KCNQ1OT1: variants seen among roughly 807,000 people sequenced by gnomAD.
KCNQ1OT1 encodes KCNQ1 opposite strand/antisense transcript 1.
At chr11:2,633,016 T>G (rs974674076) in exon 1 of KCNQ1OT1, 1 of 398,412 alleles carries the variant, frequency 2.5e-6, no homozygotes, top group African/African-American at 2.1e-5. Context: ...AATGACTCAC[T>G]AATTTATAGT....
At chr11:2,639,241 G>C (rs1348436602) in exon 1 of KCNQ1OT1, 1 of 152,170 alleles carries the variant, frequency 6.6e-6, no homozygotes, top group Non-Finnish European at 1.5e-5. Context: ...GTCCAGCTTT[G>C]TTCCATTGCT....
Position 2,613,856 on chromosome 11 carries a change from G to A in KCNQ1OT1, n.86139C>T, listed in dbSNP as rs1301492049. The A allele has an allele frequency of 2.5e-5, 10 of 398,372 alleles. No homozygotes were observed. The highest frequency in any genetic ancestry group is 4.4e-5 in the Non-Finnish European group (10 of 226,038). 24.7% of individuals were successfully genotyped at this position (398,372 alleles called of 1,614,324 possible). The stretch of plus-strand genomic sequence containing the variant: ...CAGTGTTTTCTAGTTTATAGTTTGT[G>A]TGTGTTTGCTCTTTATAAGACATGA... On this transcript the variant is annotated non_coding_transcript_exon_variant, in exon 1 of 1. Coordinates refer to ENST00000597346, the Ensembl canonical transcript of KCNQ1OT1. This position sits in a 1 kb window ranked among gnomAD's most constrained non-coding sequence, Gnocchi z 4.8.
In KCNQ1OT1 at chr11:2,677,927, C is replaced by A. The variant is rs1297810091; in HGVS notation, n.22068G>T. On this transcript the variant is annotated non_coding_transcript_exon_variant, in exon 1 of 1. Transcript: ENST00000597346. The surrounding 1 kb of genome is among the most constrained non-coding windows in gnomAD (Gnocchi z 4.5). ...GTATACTCAGGTTTTTATCTTCATT[C>A]ATTTCATAGATGAGAAATGGTACAC... The A allele has an allele frequency of 5.0e-6, 2 of 398,406 alleles. No individual in the cohort carries two copies. The highest frequency in any genetic ancestry group is 8.8e-6 in the Non-Finnish European group (2 of 226,026). The allele number at this position is 398,406 out of a possible 1,614,324, so 24.7% of individuals were successfully genotyped here. A position where few individuals can be genotyped will look rare whatever the true frequency, so the allele number is the denominator to read the frequency against.
In KCNQ1OT1 at chr11:2,617,856, C is replaced by A; in HGVS notation, n.82139G>T. The A allele has an allele frequency of 2.5e-6, 1 of 398,468 alleles. No individual in the cohort carries two copies. The highest frequency in any genetic ancestry group is 1.3e-4 in the South Asian group (1 of 7,850). The allele number at this position is 398,468 out of a possible 1,614,324, so 24.7% of individuals were successfully genotyped here. ...TCTTTGCAAAAATGTCTACTCAGTTCCACTGCCCATTTTTTAATTGGGTTA... is the reference window on the plus strand; with the variant it reads ...TCTTTGCAAAAATGTCTACTCAGTTACACTGCCCATTTTTTAATTGGGTTA... On this transcript the variant is annotated non_coding_transcript_exon_variant, in exon 1 of 1. Coordinates refer to ENST00000597346, the Ensembl canonical transcript of KCNQ1OT1. The surrounding 1 kb of genome is among the most constrained non-coding windows in gnomAD (Gnocchi z 4.6).
chr11:2,691,941 T>A lies in KCNQ1OT1; in HGVS notation n.8054A>T. On this transcript the variant is annotated non_coding_transcript_exon_variant, in exon 1 of 1. Coordinates refer to ENST00000597346, the Ensembl canonical transcript of KCNQ1OT1. This position sits in a 1 kb window ranked among gnomAD's most constrained non-coding sequence, Gnocchi z 6.4. ...CCTTGGCAGGTTTTCCCTTCTGGCA[T>A]GGCCACTAAATGCCAGTGCCTTTCT... The A allele has an allele frequency of 2.5e-6, 1 of 398,698 alleles. No homozygotes were observed. The highest frequency in any genetic ancestry group is 4.4e-6 in the Non-Finnish European group (1 of 226,134). 24.7% of individuals were successfully genotyped at this position (398,698 alleles called of 1,614,324 possible).
chr11:2,637,075 T>C (rs1167569009), exon 1 of KCNQ1OT1: 1 of 152,210 alleles, frequency 6.6e-6, no homozygotes, highest in Non-Finnish European at 1.5e-5. Flanking sequence ...TTCTTCTCTC[T>C]TCTTTATTAG....
chr11:2,648,981 C>CTTTTTTTTTTTTTTTTTTTTTTTT, exon 1 of KCNQ1OT1: 23 of 213,286 alleles, frequency 1.1e-4, no homozygotes, highest in African/African-American at 4.0e-4. Flanking sequence ...TTTTCTTTTT[C>CTTTTTTTTTTTTTTTTTTTTTTTT]TTTTTTTTTT....
Position 2,664,189 on chromosome 11 carries a change from T to A in KCNQ1OT1, n.35806A>T, listed in dbSNP as rs923469016. The A allele has an allele frequency of 7.5e-6, 3 of 398,394 alleles. No homozygotes were observed. Among genetic ancestry groups the A allele is most frequent in the African/African-American group, 4.1e-5 (2 of 48,542 alleles). 24.7% of individuals were successfully genotyped at this position (398,394 alleles called of 1,614,324 possible). ...AGTGGCTGCTAGATATGAGCCAGCC[T>A]GGGAAGGCAGGAAGGAGCCCAGGCA... On this transcript the variant is annotated non_coding_transcript_exon_variant, in exon 1 of 1. Coordinates refer to ENST00000597346, the Ensembl canonical transcript of KCNQ1OT1. This position sits in a 1 kb window ranked among gnomAD's most constrained non-coding sequence, Gnocchi z 5.1.
exon 1 of KCNQ1OT1, chr11:2,609,624 A>G (rs939822509): frequency 2.5e-6 from 1 of 398,318 alleles, no homozygotes; most frequent in South Asian, 1.3e-4. Flanking sequence ...GGAGTGTTGA[A>G]GTCTCCAACT....
Position 2,608,766 on chromosome 11 carries a change from G to A in KCNQ1OT1, n.91229C>T, listed in dbSNP as rs891199891. On this transcript the variant is annotated non_coding_transcript_exon_variant, in exon 1 of 1. Transcript: ENST00000597346. The surrounding 1 kb of genome is among the most constrained non-coding windows in gnomAD (Gnocchi z 4.6). ...GGCCTCCCAAAGTGCTGGGATTACA[G>A]GTGTGAGCCACTGCAGCTAGCCTCG... The A allele has an allele frequency of 7.5e-6, 3 of 398,526 alleles. No homozygotes were observed. Among genetic ancestry groups the A allele is most frequent in the African/African-American group, 6.2e-5 (3 of 48,636 alleles). 24.7% of individuals were successfully genotyped at this position (398,526 alleles called of 1,614,324 possible).
At chr11:2,618,201 GT>G in exon 1 of KCNQ1OT1, 2 of 398,424 alleles carry the variant, frequency 5.0e-6, no homozygotes, top group Non-Finnish European at 8.8e-6. Context: ...TCTATGTATG[GT>G]GTAAGGCAGC....
chr11:2,648,801 G>A, exon 1 of KCNQ1OT1: 1 of 398,458 alleles, frequency 2.5e-6, no homozygotes, highest in Non-Finnish European at 4.4e-6. Flanking sequence ...TGCTGAGTAT[G>A]AAATGTTGCC....
At chr11:2,634,889 G>C (rs1849432089) in exon 1 of KCNQ1OT1, 1 of 152,156 alleles carries the variant, frequency 6.6e-6, no homozygotes, top group South Asian at 2.1e-4. Flanking sequence ...GTGTGAGATG[G>C]TATCTCATTG....
At chr11:2,616,889 A>G in exon 1 of KCNQ1OT1, 1 of 397,782 alleles carries the variant, frequency 2.5e-6, no homozygotes, top group South Asian at 1.3e-4. Flanking sequence ...TTGTAGGTCT[A>G]GTTGGTTTAT....
chr11:2,678,373 T>A lies in KCNQ1OT1; in HGVS notation n.21622A>T. ...TCGGGATTTTGACAGAGTAATTAAA[T>A]CCAATTTGGTTTCCCATATATTTGT... On this transcript the variant is annotated non_coding_transcript_exon_variant, in exon 1 of 1. Coordinates refer to ENST00000597346, the Ensembl canonical transcript of KCNQ1OT1. The surrounding 1 kb of genome is among the most constrained non-coding windows in gnomAD (Gnocchi z 4.9). The A allele has an allele frequency of 5.0e-6, 2 of 398,628 alleles. No homozygotes were observed. The highest frequency in any genetic ancestry group is 8.8e-6 in the Non-Finnish European group (2 of 226,056). 24.7% of individuals were successfully genotyped at this position (398,628 alleles called of 1,614,324 possible). A position where few individuals can be genotyped will look rare whatever the true frequency, so the allele number is the denominator to read the frequency against.
rs1190265631 is a variant in KCNQ1OT1, at chr11:2,661,142, A to G, written n.38853T>C. The G allele has an allele frequency of 7.5e-6, 3 of 398,612 alleles. No homozygotes were observed. Among genetic ancestry groups the G allele is most frequent in the East Asian group, 3.6e-5 (1 of 28,078 alleles). The allele number at this position is 398,612 out of a possible 1,614,324, so 24.7% of individuals were successfully genotyped here. On this transcript the variant is annotated non_coding_transcript_exon_variant, in exon 1 of 1. Coordinates refer to ENST00000597346, the Ensembl canonical transcript of KCNQ1OT1. This position sits in a 1 kb window ranked among gnomAD's most constrained non-coding sequence, Gnocchi z 5.9. ...CTCGGATGAGCAGAGAGGGTGGGCT[A>G]GGGATCTAGTTGGCAGTTAACACTG...
exon 1 of KCNQ1OT1, chr11:2,692,202 C>T (rs182096981): frequency 5.3e-5 from 21 of 398,888 alleles, no homozygotes; most frequent in African/African-American, 2.1e-4. Context: ...GGGTCATTTC[C>T]GATACACCCG....
At chr11:2,675,973 A>G (rs1850286715) in exon 1 of KCNQ1OT1, 4 of 398,560 alleles carry the variant, frequency 1.0e-5, no homozygotes, top group Non-Finnish European at 1.3e-5. Flanking sequence ...GGGGTGAAAA[A>G]TAACACTCTC....
chr11:2,615,504 T>G (rs1428153074), exon 1 of KCNQ1OT1: 6 of 395,672 alleles, frequency 1.5e-5, no homozygotes, highest in Non-Finnish European at 2.7e-5. Flanking sequence ...AATTTTTCAG[T>G]TTTTTTTCTC....
Sources: gnomAD v4.1 joint callset for allele counts on GRCh38, gnomAD v4.1.1 for gene constraint, Gnocchi (gnomAD v3.1) non-coding constraint, MANE v1.5 for transcripts, NCBI Gene and HGNC (gene_info 2026-07-23, HGNC 2026-07-21) for gene names.